Variants in FCRL2 observed in about 807,000 individuals in gnomAD.
FCRL2 encodes Fc receptor like 2.
FCRL2 carries 48 observed loss-of-function variants against 59.8 expected under a neutral mutation model. That is an observed-to-expected ratio of 0.80 (90% confidence interval 0.64 to 1.02). FCRL2 has a LOEUF of 1.02. Among genes scored for constraint, FCRL2 ranks in the 50% least tolerant of loss-of-function variants. The pLI is 0.00. For synonymous variants in FCRL2, 251 were observed against 229.5 expected (o/e 1.09, Z -0.85); for missense variants, 658 against 597.3 (o/e 1.10, Z -1.06).
At position 157,768,685 on chromosome 1, in the gene FCRL2, A is replaced by G. The variant is rs748681000; in HGVS notation, c.612T>C (p.Asn204=). The G allele has an allele frequency of 1.9e-6, 3 of 1,611,250 alleles. No homozygotes were observed. The highest frequency in any genetic ancestry group is 2.5e-6 in the Non-Finnish European group (3 of 1,178,404). The change falls in exon 5 of 12, where the codon AAT becomes AAC. Residue 204 remains asparagine (N), a synonymous_variant. Transcript: ENST00000361516. Reference sequence around the variant, plus strand: ...CGGGGGCCCGGATCTCCAAGCTTACATTAGAGATGGGGATTCCTAGATGGA... The same window carrying G: ...CGGGGGCCCGGATCTCCAAGCTTACGTTAGAGATGGGGATTCCTAGATGGA... ...QIHVQRIPIS[N]VSLEIRAPGG...
chr1:157,760,298 G>A (rs1265609938), intron 7 of FCRL2, among the ~76,000 whole-genome samples: 4 of 152,012 alleles, frequency 2.6e-5, no homozygotes, highest in African/African-American at 9.7e-5. Flanking sequence ...TGAGGGTGGA[G>A]GGAGGGAAGA....
intron 7 of FCRL2, among the ~76,000 whole-genome samples, chr1:157,763,552 T>C (rs1557862437): frequency 6.6e-6 from 1 of 151,886 alleles, no homozygotes; most frequent in Non-Finnish European, 1.5e-5. Flanking sequence ...AAAGAAAAGA[T>C]ATATTTATAG....
rs1347326983 is a variant in FCRL2 at position 157,767,758 on chromosome 1, C to A, written c.884-249G>T. The A allele has an allele frequency of 4.4e-6, 6 of 1,367,986 alleles. No homozygotes were observed. In the Admixed American group the frequency reaches 1.5e-4, roughly 34 times the overall value. The allele number at this position is 1,367,986 out of a possible 1,614,324, so 84.7% of individuals were successfully genotyped here. ...GTTCTCATCTGATTGTTTTCCTGTG[C>A]CCATCCAGCCCTCTTCATATTTCTT... is the stretch of plus-strand genomic sequence containing the variant. On this transcript the variant is annotated intron_variant, in intron 5 of 11. Transcript: ENST00000361516.
In FCRL2 at chr1:157,761,066, G is replaced by A. The variant is rs139843747; in HGVS notation, c.1279+5789C>T. 7.7e-3 allele frequency among the ~76,000 whole-genome samples: 1,179 copies of A among 152,284 alleles called. 12 individuals are homozygous for A. Among genetic ancestry groups the A allele is most frequent in the South Asian group, 0.016 (77 of 4,826 alleles). On this transcript the variant is annotated intron_variant, in intron 7 of 11. Transcript: ENST00000361516. ...TTGCAGTAGATAAGTGTAAGAAAGCGTTTTACAAAAGCTTCAAAGCTATCA... is the reference window on the plus strand; with the variant it reads ...TTGCAGTAGATAAGTGTAAGAAAGCATTTTACAAAAGCTTCAAAGCTATCA...
chr1:157,764,619 G>A (rs1319038456), intron 7 of FCRL2, among the ~76,000 whole-genome samples: 1 of 152,134 alleles, frequency 6.6e-6, no homozygotes, highest in Admixed American at 6.5e-5. Flanking sequence ...ATCATATCAA[G>A]TATCTTCTCA....
At chr1:157,769,321 T>C (rs1649790903) in intron 4 of FCRL2, 2 of 156,822 alleles carry the variant, frequency 1.3e-5, no homozygotes, top group African/African-American at 4.8e-5. Context: ...TCTTGATCAA[T>C]GAATATTACT....
intron 7 of FCRL2, among the ~76,000 whole-genome samples, chr1:157,758,959 C>A (rs1648814299): frequency 6.6e-6 from 1 of 152,132 alleles, no homozygotes; most frequent in African/African-American, 2.4e-5. Context: ...AATGTAAAAC[C>A]TAAAACTATA....
At chr1:157,763,750 G>T (rs1322758682) in intron 7 of FCRL2, among the ~76,000 whole-genome samples, 1 of 151,532 alleles carries the variant, frequency 6.6e-6, no homozygotes, top group African/African-American at 2.4e-5. Context: ...AAAACAGCAG[G>T]CTGGGCACGG....
chr1:157,773,050 C>T (rs1351531300), intron 2 of FCRL2, among the ~76,000 whole-genome samples: 1 of 152,190 alleles, frequency 6.6e-6, no homozygotes, highest in African/African-American at 2.4e-5. Flanking sequence ...CCTTTAAAAG[C>T]CCTTGCCTTC....
chr1:157,749,762 A>T (rs1648039886), intron 7 of FCRL2, 85 bp from the exon 8 acceptor site: 3 of 1,003,374 alleles, frequency 3.0e-6, no homozygotes, highest in Non-Finnish European at 4.6e-6. Context: ...ACGTATAATC[A>T]GCTGGTAAGA....
chr1:157,776,005 A>G (rs1650382327), intron 1 of FCRL2, among the ~76,000 whole-genome samples: 1 of 152,280 alleles, frequency 6.6e-6, no homozygotes, highest in South Asian at 2.1e-4. Context: ...TGCAAACCCA[A>G]TGCTTGACTA....
At chr1:157,765,879 C>T (rs1417222932) in intron 7 of FCRL2, among the ~76,000 whole-genome samples, 2 of 152,194 alleles carry the variant, frequency 1.3e-5, no homozygotes, top group Non-Finnish European at 2.9e-5. Context: ...TGTATTGCAG[C>T]TTCATTATCA....
In FCRL2 at chr1:157,767,509, A is replaced by C; in HGVS notation, c.884T>G (p.Ile295Ser). 1 of 1,614,252 alleles carries C rather than the reference A, an allele frequency of 6.2e-7. No individual in the cohort carries two copies. The highest frequency in any genetic ancestry group is 8.5e-7 in the Non-Finnish European group (1 of 1,180,046). Reference protein sequence around the residue: ...QSKVVNIPVRIPVSRPVLTLR... With the variant: ...QSKVVNIPVRSPVSRPVLTLR... ...GGTGAGGACAGGGCGAGACACTGGA[A>C]CTGACAGACACAGAGGGGCTATCAG... The change falls in exon 6 of 12, where the codon ATT becomes AGT. Residue 295 changes from isoleucine (I) to serine (S), a missense_variant and splice_region_variant. Coordinates refer to ENST00000361516, the MANE Select transcript of FCRL2 (RefSeq NM_030764.4).
At chr1:157,772,979 C>G (rs1303207086) in intron 2 of FCRL2, among the ~76,000 whole-genome samples, 2 of 152,134 alleles carry the variant, frequency 1.3e-5, no homozygotes, top group East Asian at 1.9e-4. Flanking sequence ...ACATCCAAAG[C>G]AAGTCATGTA....
At chr1:157,776,142 GATCACAAA>G (rs1172901971) in intron 1 of FCRL2, among the ~76,000 whole-genome samples, 4 of 152,070 alleles carry the variant, frequency 2.6e-5, no homozygotes, top group African/African-American at 4.8e-5. Context: ...ATGACAACAC[GATCACAAA>G]GGGCTCATCA....
At position 157,770,568 on chromosome 1, in the gene FCRL2, A is replaced by G. The variant is rs774896912; in HGVS notation, c.151T>C (p.Tyr51His). The change falls in exon 3 of 12, where the codon TAC (tyrosine) becomes CAC (histidine). Residue 51 changes from tyrosine (Y) to histidine (H), a missense_variant. By Grantham distance (83) the Tyr-to-His change is moderately conservative. Transcript: ENST00000361516. ...EQNWKIQKMA[Y>H]HKDNKELSVF... ...GATAACTCTTTGTTATCCTTATGGT[A>G]AGCCATCTTCTGAATTTTCCAGTTC... The G allele has an allele frequency of 1.2e-5, 19 of 1,614,202 alleles. No individual in the cohort carries two copies. The highest frequency in any genetic ancestry group is 1.5e-5 in the Non-Finnish European group (18 of 1,180,018).
intron 4 of FCRL2, chr1:157,768,931 G>A: frequency 2.1e-6 from 1 of 479,798 alleles, no homozygotes; most frequent in Non-Finnish European, 3.6e-6. Context: ...AATATTTAAA[G>A]ACTTTGTGAT....
chr1:157,754,554 T>C (rs1278625474), intron 7 of FCRL2, among the ~76,000 whole-genome samples: 1 of 152,126 alleles, frequency 6.6e-6, no homozygotes, highest in Non-Finnish European at 1.5e-5. Flanking sequence ...TATGGACTCG[T>C]CCTGAATTCC....
At chr1:157,752,507 G>A (rs1001794029) in intron 7 of FCRL2, among the ~76,000 whole-genome samples, 4 of 152,186 alleles carry the variant, frequency 2.6e-5, no homozygotes, top group Non-Finnish European at 5.9e-5. Flanking sequence ...CATGAAAACC[G>A]ACTAATACAA....
Sources: allele counts gnomAD v4.1 joint callset (sites outside exome capture counted in the v4.1 genomes callset), GRCh38; gene constraint gnomAD v4.1.1; transcripts MANE v1.5; gene names NCBI Gene and HGNC (gene_info 2026-07-23, HGNC 2026-07-21).